ARHGAP10: variants seen among roughly 807,000 people sequenced by gnomAD.
ARHGAP10 encodes the protein Rho GTPase activating protein 10, also known as rho GTPase-activating protein 10.
A neutral mutation model predicts 108.6 loss-of-function variants in ARHGAP10; 87 were observed. That is an observed-to-expected ratio of 0.80 (90% CI 0.67 to 0.96). ARHGAP10 has a LOEUF of 0.96. Among genes scored for constraint, ARHGAP10 ranks in the 40% least tolerant of loss-of-function variants. ARHGAP10 has a pLI of 0.00. For synonymous variants in ARHGAP10, 347 were observed against 341.1 expected (o/e 1.02, Z -0.19); for missense variants, 939 against 954.5 (o/e 0.98, Z 0.21).
Position 147,965,029 on chromosome 4 carries a change from G to A in ARHGAP10, c.1456G>A (p.Gly486Ser), listed in dbSNP as rs752563534. ...HGDFIVPAKS[G>S]SPESRVNAIH... ...TATTATTTTTTTTTTGGAAGAAAGC[G>A]GCAGCCCAGAATCTCGTGTTAATGC... Residue 486 changes from glycine (G) to serine (S), a missense_variant, in exon 17 of 23, where the codon GGC becomes AGC. Transcript: ENST00000336498. 1.6e-5 allele frequency: 25 copies of A among 1,524,628 alleles called. No homozygotes were observed. The highest frequency in any genetic ancestry group is 1.5e-4 in the South Asian group (11 of 72,620). 94.4% of individuals were successfully genotyped at this position (1,524,628 alleles called of 1,614,324 possible).
intron 15 of ARHGAP10, among the ~76,000 whole-genome samples, chr4:147,947,864 C>T (rs1044034415): frequency 6.6e-6 from 1 of 151,768 alleles, no homozygotes; most frequent in African/African-American, 2.4e-5. Flanking sequence ...TGTAATGAAC[C>T]CTCATGGCTC....
chr4:147,817,306 C>G (rs1732291529), intron 1 of ARHGAP10, among the ~76,000 whole-genome samples: 1 of 152,134 alleles, frequency 6.6e-6, no homozygotes, highest in Non-Finnish European at 1.5e-5. Context: ...CCTGCACTGA[C>G]AGTGCTGCCT....
chr4:147,862,623 G>A (rs1254493358), intron 5 of ARHGAP10: 1 of 152,268 alleles, frequency 6.6e-6, no homozygotes, highest in Non-Finnish European at 1.5e-5. Flanking sequence ...TTTAATCACA[G>A]AGCATGTGGC....
At chr4:147,763,746 CTTTTTTTTT>C (rs35774782) in intron 1 of ARHGAP10, among the ~76,000 whole-genome samples, 8 of 93,168 alleles carry the variant, frequency 8.6e-5, no homozygotes, top group East Asian at 3.5e-4. Context: ...ATGGTGATTC[CTTTTTTTTT>C]TTTTTTTTTT....
chr4:147,762,084 C>T (rs1336431889), intron 1 of ARHGAP10, among the ~76,000 whole-genome samples: 6 of 151,902 alleles, frequency 3.9e-5, no homozygotes, highest in East Asian at 1.9e-4. Flanking sequence ...CTCAGCTCAT[C>T]GCAACCTCTG....
At chr4:147,822,858 GC>G (rs1460259647) in intron 2 of ARHGAP10, 36 bp downstream of exon 2, 13 of 1,613,628 alleles carry the variant, frequency 8.1e-6, no homozygotes, top group Admixed American at 1.7e-5. Context: ...GTTTTCCTTT[GC>G]CATGGCCACC....
intron 10 of ARHGAP10, among the ~76,000 whole-genome samples, chr4:147,882,331 C>T (rs1381857877): frequency 6.6e-6 from 1 of 151,972 alleles, no homozygotes; most frequent in Non-Finnish European, 1.5e-5. Context: ...GGCGTGGTGG[C>T]ATACACCTGT....
intron 1 of ARHGAP10, among the ~76,000 whole-genome samples, chr4:147,750,843 C>T (rs151049944): frequency 0.14 from 21,049 of 151,784 alleles, 1,919 homozygotes; most frequent in African/African-American, 0.26. Flanking sequence ...CCTCGTGATC[C>T]GCCTGCCTCA....
At chr4:148,043,614 A>AATATATATATATATATATATATAT (rs57931206) in intron 19 of ARHGAP10, among the ~76,000 whole-genome samples, 90 of 54,952 alleles carry the variant, frequency 1.6e-3, no homozygotes, top group Admixed American at 2.8e-3. Flanking sequence ...CCCTCTCTCT[A>AATATATATATATATATATATATAT]ATATATATAT....
chr4:148,051,369 C>T (rs756715804), intron 20 of ARHGAP10, among the ~76,000 whole-genome samples: 1 of 152,212 alleles, frequency 6.6e-6, no homozygotes, highest in African/African-American at 2.4e-5. Flanking sequence ...AGGTAGTTTT[C>T]GCTAAACAGG....
In ARHGAP10 at chr4:148,064,492, G is replaced by C; in HGVS notation, c.2257G>C (p.Ala753Pro). Residue 753 changes from alanine to proline, a missense_variant, in exon 22 of 23, where the codon GCA becomes CCA. Physicochemically the swap from Ala to Pro is conservative, Grantham distance 27. Transcript: ENST00000336498. ...CTCGGAATTATCTTTTGAAATAGGA[G>C]CAATTTTTGAGGATGGTAAGTGTTA... is the stretch of plus-strand genomic sequence containing the variant. The part of the protein sequence containing the change: ...HSSELSFEIG[A>P]IFEDVQTSRE... 1 of 1,614,170 alleles carries C rather than the reference G, an allele frequency of 6.2e-7. No homozygotes were observed. The highest frequency in any genetic ancestry group is 1.3e-5 in the African/African-American group (1 of 75,058).
At chr4:147,994,345 G>A (rs1740391688) in intron 18 of ARHGAP10, among the ~76,000 whole-genome samples, 2 of 152,208 alleles carry the variant, frequency 1.3e-5, no homozygotes, top group Non-Finnish European at 1.5e-5. Context: ...ACACATGCCG[G>A]TGCCTGGCTG....
At chr4:147,875,368 C>T (rs961151619) in intron 8 of ARHGAP10, among the ~76,000 whole-genome samples, 76 of 152,266 alleles carry the variant, frequency 5.0e-4, no homozygotes, top group African/African-American at 1.8e-3. Flanking sequence ...GCTGTGAGCA[C>T]CCTGTTCTTC....
chr4:148,025,137 G>A (rs1741716930), intron 19 of ARHGAP10, among the ~76,000 whole-genome samples: 1 of 152,182 alleles, frequency 6.6e-6, no homozygotes. Context: ...GTGGTATTTA[G>A]CATATCTCTT....
intron 10 of ARHGAP10, among the ~76,000 whole-genome samples, chr4:147,899,064 C>A (rs1736116455): frequency 6.6e-6 from 1 of 152,114 alleles, no homozygotes; most frequent in Non-Finnish European, 1.5e-5. Flanking sequence ...ACAGAGTAGC[C>A]CATTGGATCC....
At chr4:147,882,008 C>A in intron 10 of ARHGAP10, 76 bp downstream of exon 10, 1 of 1,335,588 alleles carries the variant, frequency 7.5e-7, no homozygotes, top group Non-Finnish European at 1.1e-6. Flanking sequence ...AGGTTAGTTG[C>A]AACTGTGATT....
intron 1 of ARHGAP10, among the ~76,000 whole-genome samples, chr4:147,753,279 A>G (rs1200209128): frequency 4.6e-5 from 7 of 152,112 alleles, no homozygotes; most frequent in African/African-American, 1.7e-4. Flanking sequence ...ACTTAGATAT[A>G]TCTGCTCTGT....
chr4:147,757,371 A>G (rs544521988), intron 1 of ARHGAP10, among the ~76,000 whole-genome samples: 27 of 151,822 alleles, frequency 1.8e-4, no homozygotes, highest in Admixed American at 8.5e-4. Flanking sequence ...TTTCTTTTGT[A>G]TTTTAGTGGA....
chr4:147,797,692 T>C lies in ARHGAP10; in HGVS notation c.155-25035T>C, dbSNP rs564424412. Among the ~76,000 whole-genome samples, 15 of 152,336 alleles carry C rather than the reference T, an allele frequency of 9.8e-5. No homozygotes were observed. The East Asian group carries it at 2.9e-3, about 29-fold the overall frequency. On this transcript the variant is annotated intron_variant, in intron 1 of 22. Transcript: ENST00000336498. ...TCCCAGAGTGCTGGGATTACAAGCA[T>C]GAGCCGTTGCGCCTGGCCAGCCAAC...
Sources: gnomAD v4.1 joint callset for allele counts (sites outside exome capture counted in the v4.1 genomes callset) on GRCh38, gnomAD v4.1.1 for gene constraint, MANE v1.5 for transcripts, NCBI Gene and HGNC (gene_info 2026-07-23, HGNC 2026-07-21) for gene names.